AUTS2: variants seen among roughly 807,000 people sequenced by gnomAD.
AUTS2 encodes activator of transcription and developmental regulator AUTS2, also known as autism susceptibility gene 2 protein.
In AUTS2, 17 loss-of-function variants were observed where a neutral mutation model predicts 112.4. The observed-to-expected ratio is 0.15, with a 90% confidence interval of 0.10 to 0.23. The LOEUF (loss-of-function observed/expected upper bound fraction) is 0.23. Ranked by LOEUF, AUTS2 falls within the 10% of genes least tolerant of loss-of-function variation. AUTS2 has a pLI of 1.00. For synonymous variants in AUTS2, 751 were observed against 702.7 expected (o/e 1.07, Z -1.09); for missense variants, 1,510 against 1,701.6 (o/e 0.89, Z 1.98).
intron 6 of AUTS2, among the ~76,000 whole-genome samples, chr7:70,701,206 C>A (rs1809437286): frequency 6.6e-6 from 1 of 152,150 alleles, no homozygotes; most frequent in Non-Finnish European, 1.5e-5. Context: ...TAAAATTTCA[C>A]CGTGGGAGGG....
At chr7:69,871,579 A>G (rs1179923131) in intron 1 of AUTS2, among the ~76,000 whole-genome samples, 1 of 152,208 alleles carries the variant, frequency 6.6e-6, no homozygotes, top group Non-Finnish European at 1.5e-5. Context: ...CACAGTACTA[A>G]AAGCTATGTG....
At chr7:70,581,386 C>G (rs1304669848) in intron 5 of AUTS2, among the ~76,000 whole-genome samples, 2 of 151,882 alleles carry the variant, frequency 1.3e-5, no homozygotes, top group African/African-American at 4.8e-5. Context: ...AACTCCGTCT[C>G]AATAAATAAA....
chr7:69,710,927 T>C (rs1798294709), intron 1 of AUTS2, among the ~76,000 whole-genome samples: 1 of 152,140 alleles, frequency 6.6e-6, no homozygotes, highest in African/African-American at 2.4e-5. Flanking sequence ...GAAGATCTCA[T>C]TGTCAGGGCT....
chr7:69,800,172 G>A (rs1790021485), intron 1 of AUTS2, among the ~76,000 whole-genome samples: 2 of 152,160 alleles, frequency 1.3e-5, no homozygotes, highest in Admixed American at 6.5e-5. Context: ...TTCACTCCAG[G>A]TCAATGTATT....
At chr7:69,741,252 A>G (rs1016047768) in intron 1 of AUTS2, among the ~76,000 whole-genome samples, 1 of 152,140 alleles carries the variant, frequency 6.6e-6, no homozygotes, top group African/African-American at 2.4e-5. Flanking sequence ...AGGCTTGGGA[A>G]CTTGGCATCC....
Position 70,439,885 on chromosome 7 carries a change from C to T in AUTS2, c.690+4104C>T, listed in dbSNP as rs1025834733. Among the ~76,000 whole-genome samples, 23 of 152,304 alleles carry T rather than the reference C, an allele frequency of 1.5e-4. No individual in the cohort carries two copies. The Middle Eastern group carries it at 0.024, about 158-fold the overall frequency. On this transcript the variant is annotated intron_variant, in intron 5 of 18. Coordinates refer to ENST00000342771, the MANE Select transcript of AUTS2 (RefSeq NM_015570.4). ...TAAAAGTCATTCCCTGTTCTACCCA[C>T]ACCCTTTTTCTTGTGTATAGCATGT...
At chr7:69,617,662 C>T (rs1199905413) in intron 1 of AUTS2, among the ~76,000 whole-genome samples, 1 of 152,198 alleles carries the variant, frequency 6.6e-6, no homozygotes, top group Non-Finnish European at 1.5e-5. Flanking sequence ...TCCCCAAGGT[C>T]ACCCAGCTGA....
chr7:69,777,767 C>G (rs983002671), intron 1 of AUTS2, among the ~76,000 whole-genome samples: 13 of 152,112 alleles, frequency 8.5e-5, no homozygotes, highest in African/African-American at 3.1e-4. Context: ...CCAAGCCCCT[C>G]TTTGTAACAC....
At chr7:70,759,383 G>GCCTCAGCCTTACCTAGAAGAT (rs1197054992) in intron 6 of AUTS2, among the ~76,000 whole-genome samples, 3 of 152,208 alleles carry the variant, frequency 2.0e-5, no homozygotes, top group Non-Finnish European at 4.4e-5. Flanking sequence ...CACATCAGCA[G>GCCTCAGCCTTACCTAGAAGAT]CCTCAGCCTT....
intron 4 of AUTS2, among the ~76,000 whole-genome samples, chr7:70,346,377 C>T (rs979400020): frequency 7.9e-5 from 12 of 152,278 alleles, no homozygotes; most frequent in Middle Eastern, 3.4e-3. Flanking sequence ...GAGAAGCTTT[C>T]AGTGCTGCGA....
chr7:70,141,125 C>A (rs1175293213), intron 4 of AUTS2, among the ~76,000 whole-genome samples: 1 of 152,130 alleles, frequency 6.6e-6, no homozygotes, highest in Non-Finnish European at 1.5e-5. Context: ...AAGGGTGGAA[C>A]AAGTTTGAGG....
intron 2 of AUTS2, among the ~76,000 whole-genome samples, chr7:70,094,432 T>C (rs1311870432): frequency 6.6e-6 from 1 of 152,236 alleles, no homozygotes; most frequent in African/African-American, 2.4e-5. Context: ...GGATTGATTC[T>C]AAAGAAGCAA....
intron 1 of AUTS2, among the ~76,000 whole-genome samples, chr7:69,725,155 CTT>C (rs1203696858): frequency 1.3e-5 from 2 of 152,036 alleles, no homozygotes; most frequent in Non-Finnish European, 2.9e-5. Context: ...TTATAGTTGA[CTT>C]TGCTTTAGGG....
At chr7:70,525,457 T>A (rs1799802627) in intron 5 of AUTS2, among the ~76,000 whole-genome samples, 1 of 152,084 alleles carries the variant, frequency 6.6e-6, no homozygotes, top group South Asian at 2.1e-4. Flanking sequence ...AGTTTAGAAA[T>A]TCCAGAAAGA....
At chr7:70,466,311 T>G (rs749785360) in intron 5 of AUTS2, among the ~76,000 whole-genome samples, 1 of 152,228 alleles carries the variant, frequency 6.6e-6, no homozygotes, top group Non-Finnish European at 1.5e-5. Flanking sequence ...TATGTAGTGA[T>G]TATATCCTTG....
intron 4 of AUTS2, among the ~76,000 whole-genome samples, chr7:70,141,573 A>T (rs1806865321): frequency 6.6e-6 from 1 of 152,202 alleles, no homozygotes; most frequent in Non-Finnish European, 1.5e-5. Context: ...CACATTTTTT[A>T]AATGTAACCT....
chr7:70,644,102 T>C (rs942545842), intron 5 of AUTS2, among the ~76,000 whole-genome samples: 7 of 152,190 alleles, frequency 4.6e-5, no homozygotes, highest in African/African-American at 1.7e-4. Flanking sequence ...CATCCATCAA[T>C]TGGCTCATTC....
intron 2 of AUTS2, among the ~76,000 whole-genome samples, chr7:69,975,607 AGTT>A (rs1199737228): frequency 6.7e-6 from 1 of 150,038 alleles, no homozygotes; most frequent in Non-Finnish European, 1.5e-5. Context: ...GAGTAATTTT[AGTT>A]GTTCTTTCAG....
At chr7:69,873,818 A>G in intron 1 of AUTS2, among the ~76,000 whole-genome samples, 1 of 152,174 alleles carries the variant, frequency 6.6e-6, no homozygotes, top group East Asian at 1.9e-4. Context: ...ATGTATGAAG[A>G]TTATCCCTGG....
Sources: allele counts gnomAD v4.1 joint callset (sites outside exome capture counted in the v4.1 genomes callset), GRCh38; gene constraint gnomAD v4.1.1; transcripts MANE v1.5; gene names NCBI Gene and HGNC (gene_info 2026-07-23, HGNC 2026-07-21).